PFKFB4: variants seen among roughly 807,000 people sequenced by gnomAD.
PFKFB4 encodes 6-phosphofructo-2-kinase/fructose-2,6-bisphosphatase 4.
A neutral mutation model predicts 62.8 loss-of-function variants in PFKFB4; 42 were observed. That is an observed-to-expected ratio of 0.67 (90% CI 0.52 to 0.86). PFKFB4 has a LOEUF of 0.86. Among genes scored for constraint, PFKFB4 ranks in the 40% least tolerant of loss-of-function variants. The pLI is 0.00. For missense variants in PFKFB4, 475 were observed against 627.2 expected (o/e 0.76, Z 2.59); for synonymous variants, 204 against 240.7 (o/e 0.85, Z 1.41).
chr3:48,552,611 C>T (rs1560180210), intron 1 of PFKFB4, among the ~76,000 whole-genome samples: 2 of 152,232 alleles, frequency 1.3e-5, no homozygotes, highest in African/African-American at 4.8e-5. Flanking sequence ...AGTTCCCGGC[C>T]AGGTGGCCGG....
At chr3:48,558,482 C>A (rs2043383717), upstream of PFKFB4, among the ~76,000 whole-genome samples, 1 of 152,212 alleles carries the variant, frequency 6.6e-6, no homozygotes, top group Admixed American at 6.5e-5. Context: ...GGTGTAGCAC[C>A]CCCTCCCATG....
chr3:48,557,506 T>A (rs977915772), upstream of PFKFB4, among the ~76,000 whole-genome samples: 5 of 152,200 alleles, frequency 3.3e-5, no homozygotes, highest in African/African-American at 1.2e-4. Context: ...TTGTTCCTCT[T>A]TCTTTGCTTT....
chr3:48,522,417 T>C (rs1363481249), intron 12 of PFKFB4, among the ~76,000 whole-genome samples: 1 of 152,202 alleles, frequency 6.6e-6, no homozygotes, highest in East Asian at 1.9e-4. Flanking sequence ...CAGTCAACCG[T>C]GTGCCAGGTG....
intron 9 of PFKFB4, among the ~76,000 whole-genome samples, chr3:48,531,243 G>A (rs994248863): frequency 6.6e-6 from 1 of 150,666 alleles, no homozygotes; most frequent in African/African-American, 2.4e-5. Flanking sequence ...GCTCATGACT[G>A]TAATACCAGC....
At chr3:48,558,527 A>G (rs973763628), upstream of PFKFB4, among the ~76,000 whole-genome samples, 7 of 152,192 alleles carry the variant, frequency 4.6e-5, no homozygotes, top group African/African-American at 1.7e-4. Context: ...GGATCAGTCC[A>G]AGTCCACCCA....
At chr3:48,550,019 T>C (rs1221123328) in intron 2 of PFKFB4, 59 bp from the exon 3 acceptor site, 1 of 1,454,460 alleles carries the variant, frequency 6.9e-7, no homozygotes, top group Non-Finnish European at 9.7e-7. Flanking sequence ...AACCCTGACC[T>C]TGACCCAACC....
At chr3:48,553,199 C>T (rs1203231663) in intron 1 of PFKFB4, among the ~76,000 whole-genome samples, 3 of 152,124 alleles carry the variant, frequency 2.0e-5, no homozygotes, top group African/African-American at 7.2e-5. Context: ...TATAGCTGGG[C>T]GTGATGGCAC....
chr3:48,554,840 T>G (rs2043263073), intron 1 of PFKFB4, among the ~76,000 whole-genome samples: 1 of 151,936 alleles, frequency 6.6e-6, no homozygotes, highest in Non-Finnish European at 1.5e-5. Context: ...TCATTAGAGA[T>G]AACGAATTCA....
chr3:48,527,801 C>T (rs1335199491), intron 9 of PFKFB4, among the ~76,000 whole-genome samples: 1 of 151,586 alleles, frequency 6.6e-6, no homozygotes, highest in Non-Finnish European at 1.5e-5. Flanking sequence ...AATTCTCCTG[C>T]CTCAGCCTCC....
chr3:48,553,989 A>G (rs2043234916), intron 1 of PFKFB4, among the ~76,000 whole-genome samples: 1 of 152,112 alleles, frequency 6.6e-6, no homozygotes, highest in Admixed American at 6.5e-5. Flanking sequence ...CTCGGAGGCC[A>G]ATGATGGGAA....
chr3:48,536,117 G>A lies in PFKFB4; in HGVS notation c.840+139C>T, dbSNP rs1287229927. The A allele has an allele frequency of 5.7e-6, 4 of 703,152 alleles. No individual in the cohort carries two copies. The Admixed American group carries it at 1.0e-4, about 18-fold the overall frequency. 43.6% of individuals were successfully genotyped at this position (703,152 alleles called of 1,614,324 possible). On this transcript the variant is annotated intron_variant, in intron 8 of 13. Coordinates refer to ENST00000232375, the MANE Select transcript of PFKFB4 (RefSeq NM_004567.4). Reference sequence around the variant, plus strand: ...TTCCCTACATGATGGGAAGATTCTAGGTTGAATGAAGGTCATTCACCTCGA... The same window carrying A: ...TTCCCTACATGATGGGAAGATTCTAAGTTGAATGAAGGTCATTCACCTCGA...
chr3:48,537,679 C>T (rs1322314584), intron 7 of PFKFB4, among the ~76,000 whole-genome samples: 1 of 151,796 alleles, frequency 6.6e-6, no homozygotes, highest in Non-Finnish European at 1.5e-5. Context: ...CATGCGCCAC[C>T]ACACCAGGCT....
Position 48,521,840 on chromosome 3 carries a change from G to C in PFKFB4, c.1350+146C>G. ...AGGCCCCACCCAGAGCCAGGGCCCC[G>C]CCCTGCTGATGGGACAACAGTCTTG... On this transcript the variant is annotated intron_variant, in intron 13 of 13. Transcript: ENST00000232375. This position sits in a 1 kb window ranked among gnomAD's most constrained non-coding sequence, Gnocchi z 5.3. 1.4e-6 allele frequency: 1 copy of C among 719,600 alleles called. No homozygotes were observed. The allele number at this position is 719,600 out of a possible 1,614,324, so 44.6% of individuals were successfully genotyped here.
intron 3 of PFKFB4, among the ~76,000 whole-genome samples, chr3:48,544,405 A>G (rs968167719): frequency 5.7e-5 from 8 of 141,404 alleles, no homozygotes; most frequent in African/African-American, 2.1e-4. Flanking sequence ...GGAATCCCCC[A>G]CCTATGACCA....
intron 4 of PFKFB4, among the ~76,000 whole-genome samples, chr3:48,540,278 G>C (rs1423629703): frequency 6.6e-6 from 1 of 152,238 alleles, no homozygotes; most frequent in African/African-American, 2.4e-5. Flanking sequence ...GAGATCCACG[G>C]TGACGGACTC....
chr3:48,543,484 C>CAT (rs1295709311), intron 4 of PFKFB4, 96 bp downstream of exon 4: 9 of 1,166,306 alleles, frequency 7.7e-6, no homozygotes, highest in African/African-American at 1.5e-5. Context: ...GGCACACACA[C>CAT]CCTGCCTTCC....
upstream of PFKFB4, chr3:48,561,218 A>G: frequency 1.8e-6 from 1 of 554,872 alleles, no homozygotes; most frequent in South Asian, 2.0e-5. The surrounding 1 kb of genome is among the most constrained non-coding windows in gnomAD (Gnocchi z 5.2). Flanking sequence ...CGGCTCCTGC[A>G]GCCCCGCCTC....
upstream of PFKFB4, chr3:48,556,905 G>T: frequency 7.0e-7 from 1 of 1,419,972 alleles, no homozygotes; most frequent in Non-Finnish European, 9.2e-7. This position sits in a 1 kb window ranked among gnomAD's most constrained non-coding sequence, Gnocchi z 5.7. Flanking sequence ...CTATCTTCCC[G>T]CAGGTCCCGC....
chr3:48,550,994 G>A (rs1002947417), intron 1 of PFKFB4, among the ~76,000 whole-genome samples: 2 of 152,172 alleles, frequency 1.3e-5, no homozygotes, highest in African/African-American at 4.8e-5. Flanking sequence ...GACCACAAGG[G>A]GTTGAGACCA....
Sources: allele counts gnomAD v4.1 joint callset (sites outside exome capture counted in the v4.1 genomes callset), GRCh38; gene constraint gnomAD v4.1.1; non-coding constraint Gnocchi (gnomAD v3.1); transcripts MANE v1.5; gene names NCBI Gene and HGNC (gene_info 2026-07-23, HGNC 2026-07-21).